SEMA5A: variants seen among roughly 807,000 people sequenced by gnomAD.
The protein encoded by SEMA5A is semaphorin 5A.
SEMA5A carries 55 observed loss-of-function variants against 135.5 expected under a neutral mutation model. The observed-to-expected ratio is 0.41, with a 90% CI of 0.33 to 0.51. The LOEUF is 0.51. SEMA5A is among the 20% of genes least tolerant of loss of function. SEMA5A has a pLI of 0.37. For synonymous variants in SEMA5A, 580 were observed against 546.5 expected (o/e 1.06, Z -0.85); for missense variants, 1,290 against 1,419.9 (o/e 0.91, Z 1.47).
At chr5:9,386,375 CA>C (rs199731403) in intron 2 of SEMA5A, among the ~76,000 whole-genome samples, 2 of 151,336 alleles carry the variant, frequency 1.3e-5, no homozygotes. Context: ...TTCTGCCTTT[CA>C]AAAAAAAATC....
At chr5:9,165,400 C>CT (rs1235753157) in intron 11 of SEMA5A, among the ~76,000 whole-genome samples, 1 of 152,166 alleles carries the variant, frequency 6.6e-6, no homozygotes, top group African/African-American at 2.4e-5. Context: ...ATTCCATTCT[C>CT]TTTTTATTAA....
At chr5:9,200,833 A>T (rs1270500380) in intron 9 of SEMA5A, among the ~76,000 whole-genome samples, 2 of 152,218 alleles carry the variant, frequency 1.3e-5, no homozygotes, top group East Asian at 3.9e-4. Flanking sequence ...CTGATGCCCA[A>T]GAGATGAAAA....
intron 16 of SEMA5A, among the ~76,000 whole-genome samples, chr5:9,103,054 C>T (rs900680493): frequency 6.6e-6 from 1 of 152,054 alleles, no homozygotes; most frequent in Non-Finnish European, 1.5e-5. Context: ...TAGATCTTTC[C>T]CATTAATCTC....
intron 11 of SEMA5A, among the ~76,000 whole-genome samples, chr5:9,179,746 C>G (rs1030623216): frequency 3.3e-5 from 5 of 152,080 alleles, no homozygotes; most frequent in Non-Finnish European, 7.3e-5. Context: ...TACTAAAGAA[C>G]TAATTGTGTT....
intron 2 of SEMA5A, among the ~76,000 whole-genome samples, chr5:9,427,338 A>G (rs1561244504): frequency 6.6e-6 from 1 of 152,176 alleles, no homozygotes; most frequent in Admixed American, 6.5e-5. Flanking sequence ...ATCAACTCCT[A>G]GAAAATACTG....
At chr5:9,531,550 C>A (rs920632430) in intron 1 of SEMA5A, among the ~76,000 whole-genome samples, 11 of 152,188 alleles carry the variant, frequency 7.2e-5, no homozygotes, top group South Asian at 4.1e-4. Context: ...CTGTCCCACA[C>A]CCCACTCTTC....
intron 5 of SEMA5A, among the ~76,000 whole-genome samples, chr5:9,242,454 G>A (rs975639995): frequency 5.3e-5 from 8 of 152,092 alleles, no homozygotes; most frequent in Admixed American, 5.2e-4. Context: ...TTAATTTTCA[G>A]TATACTTTCA....
Position 9,316,010 on chromosome 5 carries a change from T to A in SEMA5A, c.270+2362A>T, listed in dbSNP as rs963728062. Among the ~76,000 whole-genome samples the A allele has an allele frequency of 2.0e-5, 3 of 152,302 alleles. No homozygotes were observed. In the South Asian group the frequency reaches 6.2e-4, roughly 32 times the overall value. ...TAGTATAATGGTTGCCAAATCATAA[T>A]CTCCTAATCAAATTATTCCTTCAAT... On this transcript the variant is annotated intron_variant, in intron 5 of 22. Coordinates refer to ENST00000382496, the MANE Select transcript of SEMA5A (RefSeq NM_003966.3).
chr5:9,207,347 G>T (rs10051974), intron 8 of SEMA5A, among the ~76,000 whole-genome samples: 2 of 151,380 alleles, frequency 1.3e-5, no homozygotes, highest in Non-Finnish European at 2.9e-5. Context: ...CACCACACCC[G>T]GCTAATTTTG....
At position 9,455,556 on chromosome 5, in the gene SEMA5A, G is replaced by A. The variant is rs879731227; in HGVS notation, c.-174-17704C>T. 1.4e-4 allele frequency among the ~76,000 whole-genome samples: 22 copies of A among 152,112 alleles called. No individual in the cohort carries two copies. The South Asian group carries it at 2.9e-3, about 20-fold the overall frequency. Reference sequence around the variant, plus strand: ...CAGGCATGAGCCACCGCGCCCAGCCGCATATTGCAGTTTATTTCTAGAGAA... The same window carrying A: ...CAGGCATGAGCCACCGCGCCCAGCCACATATTGCAGTTTATTTCTAGAGAA... On this transcript the variant is annotated intron_variant, in intron 1 of 22. Transcript: ENST00000382496.
At chr5:9,119,261 G>A in intron 14 of SEMA5A, 120 bp from the exon 15 acceptor site, 1 of 1,207,950 alleles carries the variant, frequency 8.3e-7, no homozygotes, top group Non-Finnish European at 1.2e-6. Flanking sequence ...CTGCTCAGGA[G>A]AGAAAACACC....
rs62343369 is a variant in SEMA5A, at chr5:9,178,571, C to G, written c.1273+11696G>C. Among the ~76,000 whole-genome samples, 98 of 152,118 alleles carry G rather than the reference C, an allele frequency of 6.4e-4. 1 individual carries two copies. The highest frequency in any genetic ancestry group is 2.2e-3 in the African/African-American group (93 of 41,498). The stretch of plus-strand genomic sequence containing the variant: ...GGTCTTCAACTCCTGACCTCATGAT[C>G]CGCCTGCCTCGGCCTCCTAAGTGCT... On this transcript the variant is annotated intron_variant, in intron 11 of 22. Transcript: ENST00000382496.
intron 3 of SEMA5A, among the ~76,000 whole-genome samples, chr5:9,341,693 GAAGTT>G (rs940877364): frequency 1.6e-4 from 23 of 145,760 alleles, no homozygotes; most frequent in Non-Finnish European, 2.5e-4. Context: ...TATAAAATTG[GAAGTT>G]AAGTTATAAC....
intron 5 of SEMA5A, among the ~76,000 whole-genome samples, chr5:9,238,229 C>A (rs2150453458): frequency 6.6e-6 from 1 of 152,150 alleles, no homozygotes; most frequent in Middle Eastern, 3.4e-3. Flanking sequence ...ATGGAATAGA[C>A]CCAGACGAGG....
intron 4 of SEMA5A, among the ~76,000 whole-genome samples, chr5:9,324,229 T>C (rs1287380680): frequency 2.0e-5 from 3 of 151,858 alleles, no homozygotes; most frequent in Non-Finnish European, 2.9e-5. Flanking sequence ...CCACCACACC[T>C]GGCTAATTTT....
At chr5:9,408,147 T>C (rs79676923) in intron 2 of SEMA5A, among the ~76,000 whole-genome samples, 22,842 of 150,976 alleles carry the variant, frequency 0.15, 1,851 homozygotes, top group Middle Eastern at 0.22. Context: ...TTCAACATCA[T>C]TATCACCACC....
Position 9,379,896 on chromosome 5 carries a change from C to T in SEMA5A, c.51G>A (p.Trp17Ter). Residue 17 changes from tryptophan (W) to a stop codon, truncating the protein, a stop_gained, in exon 3 of 23, where the codon TGG becomes TGA. Coordinates refer to ENST00000382496, the MANE Select transcript of SEMA5A (RefSeq NM_003966.3). LOFTEE classifies it high-confidence loss of function. ...CCTGGGCCTCTGGGTGGGCGAGTCT[C>T]CACAGCCCCAGGCTTGAGAACAGCC... ...IAWLFSSLGL[W>*]RLAHPEAQGT... 6.2e-7 allele frequency: 1 copy of T among 1,614,016 alleles called. No homozygotes were observed. Among genetic ancestry groups the T allele is most frequent in the Non-Finnish European group, 8.5e-7 (1 of 1,179,992 alleles).
At chr5:9,194,184 G>A (rs1477947377) in intron 10 of SEMA5A, among the ~76,000 whole-genome samples, 2 of 152,126 alleles carry the variant, frequency 1.3e-5, no homozygotes, top group African/African-American at 2.4e-5. Flanking sequence ...ATGACTTTGA[G>A]GACTGCAGCC....
intron 5 of SEMA5A, among the ~76,000 whole-genome samples, chr5:9,303,305 G>A (rs4702622): frequency 0.82 from 124,730 of 151,780 alleles, 53,663 homozygotes; most frequent in Non-Finnish European, 0.95. Flanking sequence ...TTCAGTAGAG[G>A]TGGGGTTTCA....
Sources: allele counts gnomAD v4.1 joint callset (sites outside exome capture counted in the v4.1 genomes callset), GRCh38; gene constraint gnomAD v4.1.1; transcripts MANE v1.5; gene names NCBI Gene and HGNC (gene_info 2026-07-23, HGNC 2026-07-21).